Variants in CELA2A observed in about 807,000 individuals in gnomAD.
CELA2A encodes the protein chymotrypsin like elastase 2A, also known as chymotrypsin-like elastase family member 2A.
CELA2A carries 31 observed loss-of-function variants against 35.3 expected under a neutral mutation model. The ratio of observed to expected loss-of-function variants is 0.88; its 90% CI spans 0.66 to 1.19. The LOEUF is 1.19. Ranked by LOEUF, CELA2A falls within the 50% of genes most tolerant of loss-of-function variation. CELA2A has a pLI of 0.00. For synonymous variants in CELA2A, 150 were observed against 149.8 expected (o/e 1.00, Z -0.01); for missense variants, 330 against 352.9 (o/e 0.94, Z 0.52).
intron 5 of CELA2A, 69 bp downstream of exon 5, chr1:15,463,591 C>T (rs561409467): frequency 1.9e-5 from 30 of 1,604,314 alleles, no homozygotes; most frequent in Admixed American, 3.4e-5. Context: ...CCTGTCTGGC[C>T]GGGGCCTCTC....
intron 7 of CELA2A, among the ~76,000 whole-genome samples, chr1:15,469,809 G>A (rs1708566863): frequency 6.6e-6 from 1 of 152,178 alleles, no homozygotes. Context: ...AGACTGACTG[G>A]ACGAGAGGCT....
At chr1:15,459,560 CCACAGT>C (rs1708406017) in intron 2 of CELA2A, among the ~76,000 whole-genome samples, 2 of 152,160 alleles carry the variant, frequency 1.3e-5, no homozygotes, top group Non-Finnish European at 2.9e-5. Context: ...GGAAGAAGGG[CCACAGT>C]CCCTCTGCTA....
chr1:15,459,594 G>T (rs973179124), intron 2 of CELA2A, among the ~76,000 whole-genome samples: 1 of 152,122 alleles, frequency 6.6e-6, no homozygotes, highest in Non-Finnish European at 1.5e-5. Flanking sequence ...CCATAACACC[G>T]GGCGCATTTG....
intron 3 of CELA2A, chr1:15,462,060 G>A: frequency 2.1e-6 from 1 of 480,724 alleles, no homozygotes; most frequent in Non-Finnish European, 4.3e-6. Context: ...TTTACCAAAG[G>A]GCCTGGCACT....
intron 7 of CELA2A, among the ~76,000 whole-genome samples, chr1:15,469,897 C>T (rs1708567814): frequency 1.3e-5 from 2 of 152,074 alleles, no homozygotes; most frequent in African/African-American, 2.4e-5. Flanking sequence ...TGCAGCTGGT[C>T]CTGGCAGCAA....
At chr1:15,462,477 T>A (rs1228663888) in intron 3 of CELA2A, among the ~76,000 whole-genome samples, 1 of 152,236 alleles carries the variant, frequency 6.6e-6, no homozygotes, top group Admixed American at 6.5e-5. Context: ...CCATAAGAAC[T>A]ATAGAGTTTG....
chr1:15,462,994 C>A lies in CELA2A; in HGVS notation c.356+133C>A, dbSNP rs1234277266. 20 of 1,333,156 alleles carry A rather than the reference C, an allele frequency of 1.5e-5. No homozygotes were observed. In the Admixed American group the frequency reaches 2.9e-4, roughly 19 times the overall value. 82.6% of individuals were successfully genotyped at this position (1,333,156 alleles called of 1,614,324 possible). On this transcript the variant is annotated intron_variant, in intron 4 of 7. Coordinates refer to ENST00000359621, the MANE Select transcript of CELA2A (RefSeq NM_033440.3). ...AGGGAGGGGGAAGGAGCTCTGGCCTCTTAGATGTGGAACCAGCTCCAAAGA... is the reference window on the plus strand; with the variant it reads ...AGGGAGGGGGAAGGAGCTCTGGCCTATTAGATGTGGAACCAGCTCCAAAGA...
chr1:15,466,905 G>C (rs1708525211), intron 6 of CELA2A, among the ~76,000 whole-genome samples: 1 of 152,172 alleles, frequency 6.6e-6, no homozygotes, highest in Non-Finnish European at 1.5e-5. Flanking sequence ...CAGTGAAGTG[G>C]GGATGGAGTA....
chr1:15,462,866 G>T lies in CELA2A; in HGVS notation c.356+5G>T. 6.2e-7 allele frequency: 1 copy of T among 1,614,110 alleles called. No individual in the cohort carries two copies. On this transcript the variant is annotated splice_donor_5th_base_variant and intron_variant, in intron 4 of 7. Coordinates refer to ENST00000359621, the MANE Select transcript of CELA2A (RefSeq NM_033440.3). ...CTCCAACCAAATCTCCAAAGGGTTC[G>T]TTTCTGTCTGGGTGCACTTGGGGGT...
intron 2 of CELA2A, 110 bp from the exon 3 acceptor site, chr1:15,461,451 A>C (rs1708432470): frequency 1.8e-6 from 2 of 1,120,866 alleles, no homozygotes; most frequent in Admixed American, 4.3e-5. Flanking sequence ...ACATGAGGCG[A>C]CTGCCTCACT....
chr1:15,463,140 G>T, intron 4 of CELA2A: 1 of 719,018 alleles, frequency 1.4e-6, no homozygotes, highest in Non-Finnish European at 2.3e-6. Flanking sequence ...CTTCATGCCA[G>T]GTCCTGGGGA....
Position 15,471,956 on chromosome 1 carries a change from G to C in CELA2A, c.793-34G>C, listed in dbSNP as rs182957385. ...ACTGCCATGCACAGCTCTGCGGTTA[G>C]GTGAACCTGACGATTATCTTGTGTG... On this transcript the variant is annotated intron_variant, in intron 7 of 7. Coordinates refer to ENST00000359621, the MANE Select transcript of CELA2A (RefSeq NM_033440.3). The C allele has an allele frequency of 4.8e-3, 7,769 of 1,613,994 alleles. 31 individuals are homozygous for C. Among genetic ancestry groups the C allele is most frequent in the Non-Finnish European group, 6.0e-3 (7,069 of 1,179,934 alleles).
chr1:15,464,476 A>T (rs1373452567), intron 5 of CELA2A, among the ~76,000 whole-genome samples: 1 of 152,180 alleles, frequency 6.6e-6, no homozygotes, highest in Non-Finnish European at 1.5e-5. Flanking sequence ...GGAAGGGATG[A>T]GTAATAATGA....
At chr1:15,463,563 G>A (rs1324928140) in intron 5 of CELA2A, 41 bp downstream of exon 5, 2 of 1,612,574 alleles carry the variant, frequency 1.2e-6, no homozygotes, top group African/African-American at 2.7e-5. Flanking sequence ...GGAGGGAAGG[G>A]AGGTGATTCA....
chr1:15,461,520 T>C, intron 2 of CELA2A, 41 bp from the exon 3 acceptor site: 1 of 1,608,712 alleles, frequency 6.2e-7, no homozygotes, highest in Admixed American at 1.7e-5. Flanking sequence ...GAGGCCCTGC[T>C]CTTTCAAACC....
intron 2 of CELA2A, among the ~76,000 whole-genome samples, chr1:15,458,037 G>A (rs1214653818): frequency 3.9e-5 from 6 of 152,120 alleles, no homozygotes; most frequent in Non-Finnish European, 4.4e-5. Flanking sequence ...AACAAATATA[G>A]TGAAATCTCA....
At chr1:15,467,794 G>A (rs1007103021) in intron 7 of CELA2A, among the ~76,000 whole-genome samples, 1 of 152,174 alleles carries the variant, frequency 6.6e-6, no homozygotes, top group Non-Finnish European at 1.5e-5. Flanking sequence ...TCAGGCATAT[G>A]AAGAGTGAGT....
Position 15,466,120 on chromosome 1 carries a change from T to C in CELA2A, c.615T>C (p.Gly205=). 1 of 1,612,584 alleles carries C rather than the reference T, an allele frequency of 6.2e-7. No individual in the cohort carries two copies. The highest frequency in any genetic ancestry group is 2.2e-5 in the East Asian group (1 of 44,814). ...SVKTSMICAG[G]DGVISSCNGD... is the part of the protein sequence containing the mutation. Reference sequence around the variant, plus strand: ...AAACCAGTATGATCTGTGCTGGGGGTGATGGCGTGATCTCCAGCTGCAACG... The same window carrying C: ...AAACCAGTATGATCTGTGCTGGGGGCGATGGCGTGATCTCCAGCTGCAACG... The change falls in exon 6 of 8, where the codon GGT becomes GGC. Residue 205 remains glycine (G), a synonymous_variant. Transcript: ENST00000359621.
intron 6 of CELA2A, among the ~76,000 whole-genome samples, chr1:15,466,494 G>A (rs1308676398): frequency 1.3e-5 from 2 of 151,950 alleles, no homozygotes; most frequent in African/African-American, 2.4e-5. Flanking sequence ...CCCATGAGGC[G>A]GAGGTTGCAG....
Sources: allele counts gnomAD v4.1 joint callset (sites outside exome capture counted in the v4.1 genomes callset), GRCh38; gene constraint gnomAD v4.1.1; transcripts MANE v1.5; gene names NCBI Gene and HGNC (gene_info 2026-07-23, HGNC 2026-07-21).